The following ANKRD30A variants were observed in gnomAD, a reference collection of about 807,000 sequenced individuals.
The protein encoded by ANKRD30A is ankyrin repeat domain 30A.
In ANKRD30A, 170 loss-of-function variants were observed where a neutral mutation model predicts 166.3. The observed-to-expected ratio is 1.02, with a 90% CI of 0.90 to 1.16. The LOEUF is 1.16. Ranked by LOEUF, ANKRD30A falls within the 50% of genes most tolerant of loss-of-function variation. The probability of loss-of-function intolerance (pLI) is 0.00; values close to 1 mark genes in which losing one functional copy is unlikely to be tolerated. For synonymous variants in ANKRD30A, 564 were observed against 508.9 expected, an observed-to-expected ratio of 1.11 and a Z score of -1.46; for missense variants, 1,630 against 1,518.0, an observed-to-expected ratio of 1.07 and a Z score of -1.23.
rs200032918 is a variant in ANKRD30A, at chr10:37,162,772, T to C, written c.1930-4T>C. ...TTAATCATTTTGCTTCCAACCCCAT[T>C]TAGCCTGCCACTGAAATGCAAAAGT... On this transcript the variant is annotated splice_polypyrimidine_tract_variant and splice_region_variant and intron_variant, in intron 16 of 35. Coordinates refer to ENST00000361713, the MANE Select transcript of ANKRD30A (RefSeq NM_052997.3). 10 of 1,613,726 alleles carry C rather than the reference T, an allele frequency of 6.2e-6. 1 individual carries two copies. The highest frequency in any genetic ancestry group is 1.7e-4 in the Middle Eastern group (1 of 6,002).
At chr10:37,200,422 C>T (rs1357939636) in intron 30 of ANKRD30A, among the ~76,000 whole-genome samples, 3 of 151,986 alleles carry the variant, frequency 2.0e-5, no homozygotes, top group African/African-American at 7.2e-5. Context: ...CAAGCTGCAG[C>T]AGCATGAGCG....
the ANKRD30A span, among the ~76,000 whole-genome samples, chr10:37,262,704 A>G: frequency 2.6e-5 from 4 of 152,204 alleles, no homozygotes; most frequent in Non-Finnish European, 4.4e-5. Context: ...TGCAATCCAA[A>G]TTCTCTTGGT....
Position 37,132,489 on chromosome 10 carries a change from T to G in ANKRD30A, c.617+143T>G, listed in dbSNP as rs540057907. 114 of 498,022 alleles carry G rather than the reference T, an allele frequency of 2.3e-4. 1 individual carries two copies. In the East Asian group the frequency reaches 4.0e-3, roughly 17 times the overall value. 30.9% of individuals were successfully genotyped at this position (498,022 alleles called of 1,614,324 possible). A position where few individuals can be genotyped will look rare whatever the true frequency, so the allele number is the denominator to read the frequency against. On this transcript the variant is annotated intron_variant, in intron 4 of 35. Coordinates refer to ENST00000361713, the MANE Select transcript of ANKRD30A (RefSeq NM_052997.3). ...ATACAGATTATCAGAAGAAAAGCAATTATTTGGACTGGTCAACATAAAGAA... is the reference window on the plus strand; with the variant it reads ...ATACAGATTATCAGAAGAAAAGCAAGTATTTGGACTGGTCAACATAAAGAA...
At chr10:37,137,804 C>G (rs1174363005) in intron 6 of ANKRD30A, among the ~76,000 whole-genome samples, 1 of 152,192 alleles carries the variant, frequency 6.6e-6, no homozygotes, top group African/African-American at 2.4e-5. Context: ...GGGGGCAGGG[C>G]ATTGCCAAAC....
In ANKRD30A at chr10:37,192,307, T is replaced by G. The variant is rs539128557; in HGVS notation, c.2513-757T>G. On this transcript the variant is annotated intron_variant, in intron 25 of 35. Transcript: ENST00000361713. ...GATCCGCCCTCCTCGGCCTTCCAAA[T>G]TGCTGGAATTACAGGCATGAGCCAC... Among the ~76,000 whole-genome samples the G allele has an allele frequency of 4.7e-4, 72 of 152,036 alleles. 1 individual carries two copies. Among genetic ancestry groups the G allele is most frequent in the African/African-American group, 1.4e-3 (57 of 41,452 alleles).
chr10:37,177,975 A>G (rs1839862443), intron 24 of ANKRD30A, among the ~76,000 whole-genome samples: 1 of 150,280 alleles, frequency 6.7e-6, no homozygotes, highest in African/African-American at 2.4e-5. Context: ...TAAATTCAAG[A>G]TATTCCAAGA....
chr10:37,167,626 G>A (rs1427327368), intron 19 of ANKRD30A, among the ~76,000 whole-genome samples: 1 of 151,794 alleles, frequency 6.6e-6, no homozygotes, highest in Non-Finnish European at 1.5e-5. Context: ...TATTAAATTT[G>A]CCATTCCTGA....
intron 25 of ANKRD30A, among the ~76,000 whole-genome samples, chr10:37,192,087 A>G (rs1840629345): frequency 6.6e-6 from 1 of 151,932 alleles, no homozygotes; most frequent in South Asian, 2.1e-4. Context: ...TCCAGGCTGG[A>G]GTGCAATGGC....
chr10:37,189,819 A>T (rs2997354), intron 25 of ANKRD30A, among the ~76,000 whole-genome samples: 9,558 of 144,120 alleles, frequency 0.066, 273 homozygotes, highest in Middle Eastern at 0.12. Flanking sequence ...GAAAGAAGAA[A>T]GTAGTAATAG....
intron 31 of ANKRD30A, among the ~76,000 whole-genome samples, chr10:37,212,125 G>T (rs908901094): frequency 6.6e-6 from 1 of 151,906 alleles, no homozygotes; most frequent in Admixed American, 6.6e-5. Context: ...AAACCCCATC[G>T]TCTCAGCCCA....
chr10:37,217,893 G>T lies in ANKRD30A; in HGVS notation c.3267+15G>T, dbSNP rs1286027446. On this transcript the variant is annotated intron_variant, in intron 33 of 35. Coordinates refer to ENST00000361713, the MANE Select transcript of ANKRD30A (RefSeq NM_052997.3). ...ATTTGAATCAGGTAAATCAATCTCT[G>T]ATAAAAATTTTATATTTCTAACTTT... 1.3e-6 allele frequency: 2 copies of T among 1,485,700 alleles called. No homozygotes were observed. The highest frequency in any genetic ancestry group is 1.8e-6 in the Non-Finnish European group (2 of 1,113,290). The allele number at this position is 1,485,700 out of a possible 1,614,324, so 92.0% of individuals were successfully genotyped here. A position where few individuals can be genotyped will look rare whatever the true frequency, so the allele number is the denominator to read the frequency against.
At chr10:37,134,135 C>T (rs1459169524) in intron 5 of ANKRD30A, 82 bp downstream of exon 5, 7 of 1,509,634 alleles carry the variant, frequency 4.6e-6, no homozygotes, top group Middle Eastern at 2.1e-4. Flanking sequence ...TTCACTTCAT[C>T]AGCCAGAAAC....
intron 15 of ANKRD30A, among the ~76,000 whole-genome samples, chr10:37,160,248 C>G (rs1838748396): frequency 1.3e-5 from 2 of 152,142 alleles, no homozygotes; most frequent in South Asian, 4.1e-4. Context: ...CTGCTTCATC[C>G]ACTGTTAGAA....
intron 34 of ANKRD30A, among the ~76,000 whole-genome samples, chr10:37,228,157 A>T (rs1011334085): frequency 4.6e-5 from 7 of 152,062 alleles, no homozygotes; most frequent in African/African-American, 1.7e-4. Context: ...TCAGAAGTGC[A>T]GCACTAAAAA....
chr10:37,159,450 A>C (rs982060270), intron 15 of ANKRD30A, among the ~76,000 whole-genome samples: 1 of 152,242 alleles, frequency 6.6e-6, no homozygotes, highest in African/African-American at 2.4e-5. Flanking sequence ...ACTAGGAGGC[A>C]AAAGTTGCAG....
chr10:37,221,313 ATGTCT>A (rs779640432), intron 34 of ANKRD30A, among the ~76,000 whole-genome samples: 82 of 151,402 alleles, frequency 5.4e-4, no homozygotes, highest in Non-Finnish European at 8.7e-4. Flanking sequence ...AATAACAAAC[ATGTCT>A]TGTCAGGTCA....
rs141378287 is a variant in ANKRD30A at position 37,231,466 on chromosome 10, A to T, written c.4191A>T (p.Ser1397=). Residue 1397 remains serine (S), a synonymous_variant, in exon 35 of 36, where the codon TCA becomes TCT. Coordinates refer to ENST00000361713, the MANE Select transcript of ANKRD30A (RefSeq NM_052997.3). ...TCCTTTTGCAATCTTCACAGAACTC[A>T]TGAGAGACAAGCAGTAAGAAACTTC... ...YEKEKAETEN[S] 6.3e-7 allele frequency: 1 copy of T among 1,588,062 alleles called. No individual in the cohort carries two copies. Among genetic ancestry groups the T allele is most frequent in the South Asian group, 1.2e-5 (1 of 86,952 alleles).
At chr10:37,161,741 A>G (rs1011349048) in intron 15 of ANKRD30A, among the ~76,000 whole-genome samples, 1 of 152,170 alleles carries the variant, frequency 6.6e-6, no homozygotes, top group African/African-American at 2.4e-5. Flanking sequence ...GCTGTTCGCT[A>G]TACAAATGAC....
At chr10:37,172,044 T>A (rs1181213075) in intron 21 of ANKRD30A, among the ~76,000 whole-genome samples, 132 of 143,548 alleles carry the variant, frequency 9.2e-4, no homozygotes, top group African/African-American at 3.2e-3. Context: ...ATAGTTACAC[T>A]TATTTATTTA....
Sources: gnomAD v4.1 joint callset for allele counts (sites outside exome capture counted in the v4.1 genomes callset) on GRCh38, gnomAD v4.1.1 for gene constraint, MANE v1.5 for transcripts, NCBI Gene and HGNC (gene_info 2026-07-23, HGNC 2026-07-21) for gene names.